TEAD4: variants seen among roughly 807,000 people sequenced by gnomAD.
The protein encoded by TEAD4 is TEA domain transcription factor 4, also known as transcriptional enhancer factor TEF-3.
TEAD4 carries 36 observed loss-of-function variants against 52.4 expected under a neutral mutation model. That is an observed-to-expected ratio of 0.69 (90% CI 0.53 to 0.91). The LOEUF (loss-of-function observed/expected upper bound fraction) is 0.91, where lower values mean the gene tolerates loss of function less well. Among genes scored for constraint, TEAD4 ranks in the 40% least tolerant of loss-of-function variants. TEAD4 has a pLI of 0.00. For synonymous variants in TEAD4, 220 were observed against 231.0 expected, an observed-to-expected ratio of 0.95 and a Z score of 0.43; for missense variants, 508 against 583.9, an observed-to-expected ratio of 0.87 and a Z score of 1.34.
intron 2 of TEAD4, among the ~76,000 whole-genome samples, chr12:2,990,005 C>T (rs1251656357): frequency 6.6e-6 from 1 of 152,098 alleles, no homozygotes; most frequent in Non-Finnish European, 1.5e-5. Context: ...TTCTGGAATT[C>T]TGATGTTGAA....
chr12:3,020,769 A>G lies in TEAD4; in HGVS notation c.719A>G (p.Asp240Gly), dbSNP rs1436293237. Reference sequence around the variant, plus strand: ...TTCCTGGAGCAGCAGCAGGACCCGGACACGGTAGGTCCTGGCCTCTGCCTG... The same window carrying G: ...TTCCTGGAGCAGCAGCAGGACCCGGGCACGGTAGGTCCTGGCCTCTGCCTG... The change falls in exon 9 of 13, where the codon GAC becomes GGC. Residue 240 changes from aspartate (D) to glycine (G), a missense_variant. By Grantham distance (94) the Asp-to-Gly change is moderately conservative (BLOSUM62 -1). Coordinates refer to ENST00000359864, the MANE Select transcript of TEAD4 (RefSeq NM_003213.4). 2 of 1,604,640 alleles carry G rather than the reference A, an allele frequency of 1.2e-6. No homozygotes were observed. Among genetic ancestry groups the G allele is most frequent in the Non-Finnish European group, 1.7e-6 (2 of 1,175,376 alleles).
At chr12:3,013,877 C>G (rs1405065667) in intron 5 of TEAD4, among the ~76,000 whole-genome samples, 1 of 151,938 alleles carries the variant, frequency 6.6e-6, no homozygotes, top group Admixed American at 6.5e-5. Context: ...GAGACCCCAT[C>G]TCTGAAAATA....
rs573844449 is a variant in TEAD4, at chr12:2,994,889, C to T, written c.123C>T (p.Gly41=). 49 of 1,614,142 alleles carry T rather than the reference C, an allele frequency of 3.0e-5. No individual in the cohort carries two copies. Among genetic ancestry groups the T allele is most frequent in the African/African-American group, 9.3e-5 (7 of 75,062 alleles). The change falls in exon 3 of 13, where the codon GGC becomes GGT. Residue 41 remains glycine (G), a synonymous_variant. Transcript: ENST00000359864. The surrounding 1 kb of genome is among the most constrained non-coding windows in gnomAD (Gnocchi z 4.7). ...AGCCCATCGACAATGACGCAGAGGGCGTGTGGAGCCCGGATATTGAGCAGA... is the reference window on the plus strand; with the variant it reads ...AGCCCATCGACAATGACGCAGAGGGTGTGTGGAGCCCGGATATTGAGCAGA...
chr12:2,975,161 C>A (rs2098228460), intron 2 of TEAD4, among the ~76,000 whole-genome samples: 1 of 125,076 alleles, frequency 8.0e-6, no homozygotes, highest in African/African-American at 2.9e-5. Flanking sequence ...GAAAAAGTCT[C>A]TCAACCCTTA....
chr12:3,016,784 C>G (rs2098264845), intron 5 of TEAD4, among the ~76,000 whole-genome samples: 1 of 152,160 alleles, frequency 6.6e-6, no homozygotes, highest in South Asian at 2.1e-4. Context: ...AGTGGCTTTC[C>G]CTGTGTGCTT....
chr12:2,965,513 G>T (rs554782974), intron 2 of TEAD4, among the ~76,000 whole-genome samples: 2 of 152,136 alleles, frequency 1.3e-5, no homozygotes, highest in East Asian at 3.9e-4. Flanking sequence ...GTTAATGTTG[G>T]TGTTTTCTTA....
chr12:3,029,572 G>T (rs1052387724), intron 10 of TEAD4, among the ~76,000 whole-genome samples: 12 of 151,838 alleles, frequency 7.9e-5, no homozygotes, highest in Non-Finnish European at 8.8e-5. Flanking sequence ...TTTTATAGAG[G>T]GTGTCACTAT....
intron 4 of TEAD4, among the ~76,000 whole-genome samples, chr12:3,011,866 G>A (rs1047160105): frequency 1.3e-5 from 2 of 150,548 alleles, no homozygotes; most frequent in Admixed American, 1.3e-4. Flanking sequence ...GAGTTTCACT[G>A]TGTTGGCCAG....
intron 2 of TEAD4, among the ~76,000 whole-genome samples, chr12:2,981,540 C>G (rs1374974624): frequency 6.6e-6 from 1 of 152,218 alleles, no homozygotes; most frequent in East Asian, 1.9e-4. Flanking sequence ...ACCCAAGCCT[C>G]TGACACTCCA....
chr12:2,985,953 G>A (rs147036396), intron 2 of TEAD4, among the ~76,000 whole-genome samples: 65 of 152,098 alleles, frequency 4.3e-4, no homozygotes, highest in African/African-American at 1.5e-3. Flanking sequence ...CAGGCATGGC[G>A]GCGGTTGCCT....
chr12:3,000,526 C>A (rs3825366), intron 3 of TEAD4, among the ~76,000 whole-genome samples: 107,366 of 151,948 alleles, frequency 0.71, 41,540 homozygotes, highest in Non-Finnish European at 0.87. Context: ...TTAATCCCTG[C>A]GTGGATTAAT....
intron 2 of TEAD4, among the ~76,000 whole-genome samples, chr12:2,962,634 C>T (rs1172147316): frequency 6.6e-6 from 1 of 151,956 alleles, no homozygotes; most frequent in Non-Finnish European, 1.5e-5. Context: ...CACTCCCAGC[C>T]GTTTTTTGTA....
intron 5 of TEAD4, among the ~76,000 whole-genome samples, chr12:3,016,793 T>G (rs2098264852): frequency 6.6e-6 from 1 of 152,202 alleles, no homozygotes; most frequent in African/African-American, 2.4e-5. Context: ...CCCTGTGTGC[T>G]TATTTGTTCC....
At chr12:2,983,027 G>A (rs753719382) in intron 2 of TEAD4, among the ~76,000 whole-genome samples, 18 of 152,094 alleles carry the variant, frequency 1.2e-4, no homozygotes, top group Admixed American at 7.9e-4. Flanking sequence ...GGGAGGTGGC[G>A]GCCCTCCTTT....
At chr12:3,036,867 C>T (rs77462819) in intron 10 of TEAD4, among the ~76,000 whole-genome samples, 4,257 of 152,206 alleles carry the variant, frequency 0.028, 174 homozygotes, top group African/African-American at 0.093. Context: ...TTCCTTTCTT[C>T]GCTGTGGCAC....
chr12:2,961,400 T>C (rs2098215170), intron 2 of TEAD4, among the ~76,000 whole-genome samples: 1 of 151,988 alleles, frequency 6.6e-6, no homozygotes, highest in Non-Finnish European at 1.5e-5. Flanking sequence ...CCAGAAACTG[T>C]CTCGGGGGTT....
chr12:3,036,093 TG>T (rs1017338886), intron 10 of TEAD4, among the ~76,000 whole-genome samples: 3 of 152,258 alleles, frequency 2.0e-5, no homozygotes, highest in African/African-American at 7.2e-5. Flanking sequence ...TTAGGATAAA[TG>T]CTGCTGTCTG....
intron 3 of TEAD4, among the ~76,000 whole-genome samples, chr12:3,002,203 C>T (rs1223328618): frequency 6.6e-6 from 1 of 152,220 alleles, no homozygotes; most frequent in African/African-American, 2.4e-5. Context: ...GAATTTCCCT[C>T]TTTTTTAAGG....
intron 3 of TEAD4, among the ~76,000 whole-genome samples, chr12:2,995,840 G>T (rs2098246685): frequency 6.6e-6 from 1 of 151,876 alleles, no homozygotes. Flanking sequence ...GACACCATCT[G>T]GAGTAAAAAT....
Sources: allele counts gnomAD v4.1 joint callset (sites outside exome capture counted in the v4.1 genomes callset), GRCh38; gene constraint gnomAD v4.1.1; non-coding constraint Gnocchi (gnomAD v3.1); transcripts MANE v1.5; gene names NCBI Gene and HGNC (gene_info 2026-07-23, HGNC 2026-07-21).